Variants in CEP83 observed in about 807,000 individuals in gnomAD.
CEP83 encodes the protein centrosomal protein 83.
CEP83 carries 70 observed loss-of-function variants against 101.9 expected under a neutral mutation model. The ratio of observed to expected loss-of-function variants is 0.69; its 90% CI spans 0.57 to 0.84. The LOEUF (loss-of-function observed/expected upper bound fraction) is 0.84. Ranked by LOEUF, CEP83 falls within the 40% of genes least tolerant of loss-of-function variation. The pLI is 0.00. For missense variants in CEP83, 715 were observed against 787.2 expected (o/e 0.91, Z 1.10); for synonymous variants, 264 against 267.9 (o/e 0.99, Z 0.14).
chr12:94,443,147 T>C (rs1039826982), intron 1 of CEP83, among the ~76,000 whole-genome samples: 1 of 152,144 alleles, frequency 6.6e-6, no homozygotes, highest in African/African-American at 2.4e-5. Flanking sequence ...CCTATACAAA[T>C]TCAAACATTT....
chr12:94,335,747 A>G, intron 11 of CEP83, 83 bp from the exon 12 acceptor site: 1 of 888,724 alleles, frequency 1.1e-6, no homozygotes, highest in Non-Finnish European at 1.7e-6. Context: ...ATTTTATTGA[A>G]TGCCTGTTTG....
intron 11 of CEP83, among the ~76,000 whole-genome samples, chr12:94,357,557 G>C (rs1327829073): frequency 6.6e-6 from 1 of 152,190 alleles, no homozygotes; most frequent in Non-Finnish European, 1.5e-5. Flanking sequence ...GGCATTTCCA[G>C]CACAGGCCAT....
chr12:94,361,899 C>A (rs577477150), intron 11 of CEP83, among the ~76,000 whole-genome samples: 1 of 152,102 alleles, frequency 6.6e-6, no homozygotes, highest in African/African-American at 2.4e-5. Flanking sequence ...CAGGGTTTCA[C>A]CATGTTGGTC....
chr12:94,329,454 G>A (rs1222166651), intron 14 of CEP83, among the ~76,000 whole-genome samples: 1 of 151,736 alleles, frequency 6.6e-6, no homozygotes, highest in Non-Finnish European at 1.5e-5. Context: ...ATAGAGATGG[G>A]GTCTGGCTAT....
chr12:94,345,215 A>C (rs1281222960), intron 11 of CEP83, among the ~76,000 whole-genome samples: 1 of 152,218 alleles, frequency 6.6e-6, no homozygotes, highest in Non-Finnish European at 1.5e-5. Flanking sequence ...TTAGGCAAAG[A>C]CTTCTTGAAG....
At position 94,440,663 on chromosome 12, in the gene CEP83, G is replaced by A. The variant is rs370315153; in HGVS notation, c.-154-5336C>T. ...CAATTCCCATCAAAATACCACCATCGTTCTTCACAGATCTAGAAAAAAAAT... is the reference window on the plus strand; with the variant it reads ...CAATTCCCATCAAAATACCACCATCATTCTTCACAGATCTAGAAAAAAAAT... On this transcript the variant is annotated intron_variant, in intron 1 of 16. Coordinates refer to ENST00000397809, the MANE Select transcript of CEP83 (RefSeq NM_016122.3). Among the ~76,000 whole-genome samples the A allele has an allele frequency of 6.7e-4, 102 of 151,532 alleles. No individual in the cohort carries two copies. In the South Asian group the frequency reaches 0.019, roughly 28 times the overall value.
Position 94,312,940 on chromosome 12 carries a change from C to T in CEP83, c.1785G>A (p.Leu595=), listed in dbSNP as rs1970096464. ...TATTTAAGACCTGATTTTCTGTTTC[C>T]AATTCTTCTTTCTTTGCCTCCAAGA... The part of the protein sequence containing the change: ...VEVLEAKKEE[L]ETENQVLNRQ... Residue 595 remains leucine, a synonymous_variant, in exon 15 of 17, where the codon TTG becomes TTA. Transcript: ENST00000397809. The T allele has an allele frequency of 1.3e-6, 2 of 1,582,918 alleles. No homozygotes were observed. The highest frequency in any genetic ancestry group is 1.7e-6 in the Non-Finnish European group (2 of 1,156,430).
At chr12:94,427,010 T>C (rs757899502) in intron 2 of CEP83, among the ~76,000 whole-genome samples, 1 of 152,250 alleles carries the variant, frequency 6.6e-6, no homozygotes, top group Non-Finnish European at 1.5e-5. Context: ...ACACCTATTA[T>C]ATGGTAATTT....
chr12:94,298,641 C>T, the CEP83 span: 1 of 1,590,290 alleles, frequency 6.3e-7, no homozygotes, highest in South Asian at 1.2e-5. Flanking sequence ...GGTGGCAATT[C>T]ATTCTGTGCT....
intron 2 of CEP83, among the ~76,000 whole-genome samples, chr12:94,431,689 C>T (rs1348206364): frequency 6.6e-6 from 1 of 151,744 alleles, no homozygotes; most frequent in Non-Finnish European, 1.5e-5. Flanking sequence ...TGAAAAAATT[C>T]TCAACATCAT....
intron 3 of CEP83, among the ~76,000 whole-genome samples, 196 bp downstream of exon 3, chr12:94,412,121 AT>A (rs2063921134): frequency 6.6e-6 from 1 of 152,220 alleles, no homozygotes; most frequent in South Asian, 2.1e-4. Flanking sequence ...AGGCTTATAA[AT>A]TCATAACCCA....
chr12:94,449,183 G>A (rs180896088), intron 1 of CEP83, among the ~76,000 whole-genome samples: 2 of 152,146 alleles, frequency 1.3e-5, no homozygotes, highest in Admixed American at 6.5e-5. Context: ...ATATGAAATG[G>A]ACTACACTTC....
At position 94,331,357 on chromosome 12, in the gene CEP83, C is replaced by CTTTTTTTTTTTTT. The variant is rs1161292599; in HGVS notation, c.1707+330_1707+342dup. Among the ~76,000 whole-genome samples the CTTTTTTTTTTTTT allele has an allele frequency of 4.5e-5, 3 of 66,806 alleles. 1 individual carries two copies. Among genetic ancestry groups the CTTTTTTTTTTTTT allele is most frequent in the Non-Finnish European group, 8.6e-5 (3 of 34,738 alleles). 43.8% of individuals were successfully genotyped at this position (66,806 alleles called of 152,430 possible). ...TACTCCATAGAAATCACCTTTTTTC[C>CTTTTTTTTTTTTT]TTTTTTTTTTTTTTTTTTTTTTTTT... On this transcript the variant is annotated intron_variant, in intron 14 of 16. Transcript: ENST00000397809.
At chr12:94,310,215 T>C in intron 15 of CEP83, 108 bp from the exon 16 acceptor site, 1 of 392,502 alleles carries the variant, frequency 2.5e-6, no homozygotes, top group Non-Finnish European at 4.4e-6. Context: ...ATGAGATCTA[T>C]ATATAATATA....
At chr12:94,271,273 G>C in the CEP83 span, among the ~76,000 whole-genome samples, 1 of 152,134 alleles carries the variant, frequency 6.6e-6, no homozygotes, top group Admixed American at 6.5e-5. Flanking sequence ...GCATTATAAG[G>C]TATCACAGAA....
chr12:94,438,526 T>C (rs1359626751), intron 1 of CEP83, among the ~76,000 whole-genome samples: 1 of 152,118 alleles, frequency 6.6e-6, no homozygotes, highest in African/African-American at 2.4e-5. Flanking sequence ...CACCTAACAC[T>C]GGAGCTCCGA....
the CEP83 span, among the ~76,000 whole-genome samples, chr12:94,270,512 G>A: frequency 6.6e-6 from 1 of 152,092 alleles, no homozygotes; most frequent in Non-Finnish European, 1.5e-5. Context: ...CCCCTTCTGG[G>A]ACACAGCAAT....
Position 94,367,705 on chromosome 12 carries a change from T to G in CEP83, c.1343+89A>C, listed in dbSNP as rs376415004. ...TTGGGAGATCAGGGTGAAGAGCACA[T>G]GGGAATTCTTTGTACTAGTTGTACA... On this transcript the variant is annotated intron_variant, in intron 11 of 16. Coordinates refer to ENST00000397809, the MANE Select transcript of CEP83 (RefSeq NM_016122.3). The G allele has an allele frequency of 1.1e-4, 89 of 826,466 alleles. No homozygotes were observed. In the East Asian group the frequency reaches 2.2e-3, roughly 21 times the overall value. The allele number at this position is 826,466 out of a possible 1,614,324, so 51.2% of individuals were successfully genotyped here. A position where few individuals can be genotyped will look rare whatever the true frequency, so the allele number is the denominator to read the frequency against.
intron 1 of CEP83, among the ~76,000 whole-genome samples, chr12:94,445,919 A>G (rs2066765961): frequency 6.6e-6 from 1 of 152,234 alleles, no homozygotes; most frequent in South Asian, 2.1e-4. Flanking sequence ...TGAACCCTAG[A>G]GCAGGCTGGA....
Sources: gnomAD v4.1 joint callset for allele counts (sites outside exome capture counted in the v4.1 genomes callset) on GRCh38, gnomAD v4.1.1 for gene constraint, MANE v1.5 for transcripts, NCBI Gene and HGNC (gene_info 2026-07-23, HGNC 2026-07-21) for gene names.